KAT5: variants seen among roughly 807,000 people sequenced by gnomAD.
KAT5 encodes the protein histone acetyltransferase KAT5.
KAT5 carries 31 observed loss-of-function variants against 68.1 expected under a neutral mutation model. The ratio of observed to expected loss-of-function variants is 0.46; its 90% confidence interval spans 0.34 to 0.61. KAT5 has a LOEUF of 0.61. KAT5 is among the 20% of genes least tolerant of loss of function. The pLI is 0.01. For missense variants in KAT5, 451 were observed against 725.5 expected, an observed-to-expected ratio of 0.62 and a Z score of 4.35; for synonymous variants, 365 against 292.6, an observed-to-expected ratio of 1.25 and a Z score of -2.52.
rs377518842 is a variant in KAT5 at position 65,713,422 on chromosome 11, G to A, written c.459G>A (p.Lys153=). The A allele has an allele frequency of 1.2e-5, 20 of 1,613,972 alleles. No homozygotes were observed. Among genetic ancestry groups the A allele is most frequent in the African/African-American group, 4.0e-5 (3 of 74,898 alleles). ...VQITLRFNLP[K]EREAIPGGEP... is the part of the protein sequence containing the mutation. ...TCACACTCCGCTTCAACCTGCCCAA[G>A]GAGCGGGAGGCCATTCCCGGTGGCG... The change falls in exon 4 of 13, where the codon AAG becomes AAA. Residue 153 remains lysine, a synonymous_variant. Coordinates refer to ENST00000341318, the MANE Select transcript of KAT5 (RefSeq NM_182710.3).
rs1472514810 is a variant in KAT5 at position 65,718,710 on chromosome 11, T to C, written c.1385T>C (p.Leu462Pro). The C allele has an allele frequency of 6.2e-7, 1 of 1,614,150 alleles. No individual in the cohort carries two copies. Among genetic ancestry groups the C allele is most frequent in the Non-Finnish European group, 8.5e-7 (1 of 1,180,030 alleles). ...ACCATCCTGGAGATCCTGATGGGGC[T>C]GAAGTCGGAGAGCGGGGAGAGGCCA... ...SQTILEILMG[L>P]KSESGERPQI... Residue 462 changes from leucine (L) to proline (P), a missense_variant, in exon 11 of 13, where the codon CTG becomes CCG. By Grantham distance (98) the Leu-to-Pro change is moderately conservative. Around this residue, in one of 4 missense-constraint regions of KAT5, gnomAD observed 210 missense variants for 423.7 expected, o/e 0.50. Transcript: ENST00000341318.
chr11:65,715,992 C>A (rs1262567955), intron 8 of KAT5: 3 of 149,750 alleles, frequency 2.0e-5, no homozygotes, highest in Non-Finnish European at 4.4e-5. Context: ...CCACTGCACT[C>A]CAGCCTGGGT....
chr11:65,712,521 A>C, intron 1 of KAT5, 76 bp downstream of exon 1: 1 of 1,475,770 alleles, frequency 6.8e-7, no homozygotes, highest in Non-Finnish European at 9.2e-7. Context: ...CGGGATGGGG[A>C]GGGGCGTCTG....
rs370970433 is a variant in KAT5 at position 65,718,691 on chromosome 11, C to T, written c.1366C>T (p.Leu456=). The change falls in exon 11 of 13, where the codon CTG becomes TTG. Residue 456 remains leucine (L), a synonymous_variant. Coordinates refer to ENST00000341318, the MANE Select transcript of KAT5 (RefSeq NM_182710.3). ...SYRSYWSQTI[L]EILMGLKSES... Reference sequence around the variant, plus strand: ...TCGAAGCTACTGGTCCCAGACCATCCTGGAGATCCTGATGGGGCTGAAGTC... The same window carrying T: ...TCGAAGCTACTGGTCCCAGACCATCTTGGAGATCCTGATGGGGCTGAAGTC... 12 of 1,614,090 alleles carry T rather than the reference C, an allele frequency of 7.4e-6. No homozygotes were observed. The highest frequency in any genetic ancestry group is 6.7e-5 in the African/African-American group (5 of 74,926).
At position 65,714,617 on chromosome 11, in the gene KAT5, C is replaced by G; in HGVS notation, c.813C>G (p.Gly271=). The change falls in exon 7 of 13, where the codon GGC becomes GGG. Residue 271 remains glycine, a synonymous_variant. Transcript: ENST00000341318. The stretch of plus-strand genomic sequence containing the variant: ...AGAACATTGAGTGCATTGAGCTGGG[C>G]CGGCACCGCCTCAAGCCGTGGTACT... ...RMKNIECIEL[G]RHRLKPWYFS... 19 of 1,614,202 alleles carry G rather than the reference C, an allele frequency of 1.2e-5. No individual in the cohort carries two copies. Among genetic ancestry groups the G allele is most frequent in the Non-Finnish European group, 1.6e-5 (19 of 1,180,034 alleles).
At position 65,718,624 on chromosome 11, in the gene KAT5, G is replaced by C; in HGVS notation, c.1299G>C (p.Gly433=). The stretch of plus-strand genomic sequence containing the variant: ...TCTCCAAAGTGGAAGGGAAAACAGG[G>C]ACCCCTGAGAAGCCCCTCTCAGACC... ...YELSKVEGKT[G]TPEKPLSDLG... Residue 433 remains glycine (G), a synonymous_variant, in exon 11 of 13, where the codon GGG becomes GGC. Coordinates refer to ENST00000341318, the MANE Select transcript of KAT5 (RefSeq NM_182710.3). 6.2e-7 allele frequency: 1 copy of C among 1,614,172 alleles called. No individual in the cohort carries two copies. The highest frequency in any genetic ancestry group is 8.5e-7 in the Non-Finnish European group (1 of 1,180,024).
chr11:65,714,128 G>A, intron 6 of KAT5: 1 of 517,242 alleles, frequency 1.9e-6, no homozygotes, highest in Non-Finnish European at 3.5e-6. Flanking sequence ...GTGAAACCTT[G>A]TTTCTACTAG....
At position 65,714,821 on chromosome 11, in the gene KAT5, A is replaced by G. The variant is rs1458512609; in HGVS notation, c.940A>G (p.Thr314Ala). The change falls in exon 8 of 13, where the codon ACC becomes GCC. Residue 314 changes from threonine (T) to alanine (A), a missense_variant and splice_region_variant. Around this residue, in one of 4 missense-constraint regions of KAT5, gnomAD observed 210 missense variants for 423.7 expected, o/e 0.50. Transcript: ENST00000341318. Reference protein sequence around the residue: ...RSLKCLQRHLTKCDLRHPPGN... With the variant: ...RSLKCLQRHLAKCDLRHPPGN... Reference sequence around the variant, plus strand: ...TTCCTGATCCTCCTCTCTTCCCCAGACCAAGTGTGACCTACGACATCCTCC... The same window carrying G: ...TTCCTGATCCTCCTCTCTTCCCCAGGCCAAGTGTGACCTACGACATCCTCC... The G allele has an allele frequency of 1.9e-6, 3 of 1,614,014 alleles. No individual in the cohort carries two copies. In the African/African-American group the frequency reaches 4.0e-5, roughly 22 times the overall value.
chr11:65,718,969 A>G lies in KAT5; in HGVS notation c.1506+15A>G. On this transcript the variant is annotated intron_variant, in intron 12 of 12. Coordinates refer to ENST00000341318, the MANE Select transcript of KAT5 (RefSeq NM_182710.3). ...ACTACTACAAGGTAGGGAGGCAGGC[A>G]GGGGAGACAGGTGTGTGGGATGCAG... 1.2e-6 allele frequency: 2 copies of G among 1,614,148 alleles called. No homozygotes were observed. Among genetic ancestry groups the G allele is most frequent in the Non-Finnish European group, 8.5e-7 (1 of 1,180,002 alleles).
Position 65,713,374 on chromosome 11 carries a change from G to A in KAT5, c.411G>A (p.Lys137=). ...CGGCCTCGGCGCAGGCCAGCGGGAA[G>A]ACCTTGCCAATCCCGGTCCAGATCA... is the stretch of plus-strand genomic sequence containing the variant. ...EVPASAQASG[K]TLPIPVQITL... is the part of the protein sequence containing the mutation. The change falls in exon 4 of 13, where the codon AAG becomes AAA. Residue 137 remains lysine (K), a synonymous_variant. Coordinates refer to ENST00000341318, the MANE Select transcript of KAT5 (RefSeq NM_182710.3). The A allele has an allele frequency of 6.2e-7, 1 of 1,613,990 alleles. No homozygotes were observed. The highest frequency in any genetic ancestry group is 8.5e-7 in the Non-Finnish European group (1 of 1,180,006).
In KAT5 at chr11:65,713,423, G is replaced by A; in HGVS notation, c.460G>A (p.Glu154Lys). 6.2e-7 allele frequency: 1 copy of A among 1,614,074 alleles called. No homozygotes were observed. Among genetic ancestry groups the A allele is most frequent in the Non-Finnish European group, 8.5e-7 (1 of 1,180,014 alleles). The change falls in exon 4 of 13, where the codon GAG (glutamate) becomes AAG (lysine). Residue 154 changes from glutamate (E) to lysine (K), a missense_variant. Physicochemically the swap from Glu to Lys is moderately conservative, Grantham distance 56. Transcript: ENST00000341318. ...CACACTCCGCTTCAACCTGCCCAAG[G>A]AGCGGGAGGCCATTCCCGGTGGCGA... ...QITLRFNLPK[E>K]REAIPGGEPD...
intron 8 of KAT5, 95 bp downstream of exon 8, chr11:65,715,005 T>G: frequency 9.3e-7 from 1 of 1,075,544 alleles, no homozygotes; most frequent in Non-Finnish European, 1.4e-6. Context: ...AGCAGATCAG[T>G]CCAGCCCATT....
intron 3 of KAT5, 72 bp from the exon 4 acceptor site, chr11:65,713,276 G>A (rs1247115488): frequency 6.7e-7 from 1 of 1,500,330 alleles, no homozygotes; most frequent in South Asian, 1.2e-5. Flanking sequence ...TTGAGGTGAG[G>A]GACCCCTCTT....
chr11:65,716,932 C>G lies in KAT5; in HGVS notation c.1214C>G (p.Thr405Ser), dbSNP rs1416637382. 6.2e-7 allele frequency: 1 copy of G among 1,614,184 alleles called. No homozygotes were observed. Among genetic ancestry groups the G allele is most frequent in the Non-Finnish European group, 8.5e-7 (1 of 1,180,012 alleles). ...TEDYNVACIL[T>S]LPPYQRRGYG... Reference sequence around the variant, plus strand: ...GACTACAATGTGGCCTGCATCCTAACCCTGCCTCCCTACCAGCGCCGGGGC... The same window carrying G: ...GACTACAATGTGGCCTGCATCCTAAGCCTGCCTCCCTACCAGCGCCGGGGC... The change falls in exon 10 of 13, where the codon ACC becomes AGC. Residue 405 changes from threonine to serine, a missense_variant. Thr to Ser is a moderately conservative substitution (Grantham distance 58, BLOSUM62 1). Around this residue, in one of 4 missense-constraint regions of KAT5, gnomAD observed 210 missense variants for 423.7 expected, o/e 0.50. Coordinates refer to ENST00000341318, the MANE Select transcript of KAT5 (RefSeq NM_182710.3).
chr11:65,714,052 T>C (rs1857118015), intron 6 of KAT5: 4 of 596,040 alleles, frequency 6.7e-6, no homozygotes, highest in South Asian at 4.1e-5. Context: ...CCCAGCACTT[T>C]GGGAGTCCAA....
At position 65,712,353 on chromosome 11, in the gene KAT5, A is replaced by G; in HGVS notation, c.86A>G (p.Asp29Gly). Residue 29 changes from aspartate to glycine, a missense_variant, in exon 1 of 13, where the codon GAC becomes GGC. By Grantham distance (94) the Asp-to-Gly change is moderately conservative (BLOSUM62 -1). Around this residue, in one of 4 missense-constraint regions of KAT5, gnomAD observed 104 missense variants for 107.3 expected, o/e 0.97. Coordinates refer to ENST00000341318, the MANE Select transcript of KAT5 (RefSeq NM_182710.3). ...AGAGCCCGAGGCCCCCCAGTAGCCG[A>G]CCCTGGCGTCGCGCTGTCTCCCCAG... Reference protein sequence around the residue: ...VGRARGPPVADPGVALSPQGE... With the variant: ...VGRARGPPVAGPGVALSPQGE... The G allele has an allele frequency of 6.5e-7, 1 of 1,537,814 alleles. No homozygotes were observed. The highest frequency in any genetic ancestry group is 8.7e-7 in the Non-Finnish European group (1 of 1,153,148).
intron 6 of KAT5, 177 bp from the exon 7 acceptor site, chr11:65,714,318 T>A: frequency 2.8e-6 from 2 of 715,440 alleles, no homozygotes; most frequent in Non-Finnish European, 4.5e-6. Flanking sequence ...TTGGGTGATC[T>A]TTTCCACATC....
At chr11:65,714,197 AG>A in intron 6 of KAT5, 1 of 522,030 alleles carries the variant, frequency 1.9e-6, no homozygotes, top group Admixed American at 3.4e-5. Flanking sequence ...CGGAAAGCTG[AG>A]GCAGGAGAAC....
upstream of KAT5, chr11:65,712,251 C>T (rs775138928): frequency 4.3e-6 from 6 of 1,405,422 alleles, no homozygotes; most frequent in Non-Finnish European, 5.6e-6. Context: ...CCGGAAGTGG[C>T]AGTGGAGGGA....
Sources: allele counts gnomAD v4.1 joint callset, GRCh38; gene constraint gnomAD v4.1.1; regional missense constraint gnomAD v4.1.1; transcripts MANE v1.5; gene names NCBI Gene and HGNC (gene_info 2026-07-23, HGNC 2026-07-21).